IQSEC1: variants seen among roughly 807,000 people sequenced by gnomAD.
The protein encoded by IQSEC1 is IQ motif and SEC7 domain-containing protein 1.
A neutral mutation model predicts 91.0 loss-of-function variants in IQSEC1; 31 were observed. That is an observed-to-expected ratio of 0.34 (90% CI 0.26 to 0.46). The LOEUF is 0.46. IQSEC1 is among the 20% of genes least tolerant of loss of function. The pLI, the probability that IQSEC1 is intolerant of heterozygous loss-of-function variation, is 1.00. For missense variants in IQSEC1, 1,388 were observed against 1,575.6 expected (o/e 0.88, Z 2.02); for synonymous variants, 699 against 662.6 (o/e 1.05, Z -0.84).
chr3:13,236,668 C>T (rs1190240746), intron 1 of IQSEC1, among the ~76,000 whole-genome samples: 1 of 152,228 alleles, frequency 6.6e-6, no homozygotes, highest in Non-Finnish European at 1.5e-5. Flanking sequence ...TAGCAGCCAG[C>T]TGGGTCCACA....
intron 2 of IQSEC1, among the ~76,000 whole-genome samples, chr3:13,107,409 C>A (rs1303033249): frequency 6.6e-6 from 1 of 152,232 alleles, no homozygotes; most frequent in Non-Finnish European, 1.5e-5. Flanking sequence ...ATACAGCACG[C>A]AGTGTTAGAT....
At chr3:13,046,644 C>T (rs1003068410) in intron 1 of IQSEC1, among the ~76,000 whole-genome samples, 13 of 152,138 alleles carry the variant, frequency 8.5e-5, no homozygotes, top group African/African-American at 3.1e-4. Context: ...AAACCTCCCC[C>T]AACTCCCCTC....
chr3:13,229,925 G>T (rs1471839110), intron 1 of IQSEC1, among the ~76,000 whole-genome samples: 1 of 152,124 alleles, frequency 6.6e-6, no homozygotes, highest in African/African-American at 2.4e-5. Context: ...TATTTCATGG[G>T]GCTGCTTTGA....
chr3:13,073,600 G>A (rs553544601), upstream of IQSEC1, among the ~76,000 whole-genome samples: 3 of 152,248 alleles, frequency 2.0e-5, no homozygotes, highest in South Asian at 6.2e-4. Context: ...GGCGGGGCGC[G>A]GGGCGCCGGC....
chr3:12,971,138 C>T (rs760579651), intron 1 of IQSEC1, among the ~76,000 whole-genome samples: 6 of 152,190 alleles, frequency 3.9e-5, no homozygotes, highest in African/African-American at 4.8e-5. Flanking sequence ...AATATTAATG[C>T]GCACATGCAG....
intron 1 of IQSEC1, among the ~76,000 whole-genome samples, chr3:13,234,921 G>A (rs1694900851): frequency 6.6e-6 from 1 of 152,198 alleles, no homozygotes; most frequent in Non-Finnish European, 1.5e-5. Flanking sequence ...TGTGATTTGA[G>A]TTTGCCGGCA....
intron 1 of IQSEC1, among the ~76,000 whole-genome samples, chr3:12,982,994 C>A (rs891122273): frequency 6.6e-6 from 1 of 152,250 alleles, no homozygotes; most frequent in African/African-American, 2.4e-5. Flanking sequence ...TGGTAATCAA[C>A]CTTCAGCAAG....
At position 12,920,403 on chromosome 3, in the gene IQSEC1, G is replaced by T. The variant is rs750174444; in HGVS notation, c.2020+27C>A. 20 of 1,608,542 alleles carry T rather than the reference G, an allele frequency of 1.2e-5. No individual in the cohort carries two copies. In the South Asian group the frequency reaches 2.1e-4, roughly 17 times the overall value. Reference sequence around the variant, plus strand: ...GGGCAGGTGCTGGAGCAAATCTGTGGCTGGCCGACCGCCTGAGACAGCTCA... The same window carrying T: ...GGGCAGGTGCTGGAGCAAATCTGTGTCTGGCCGACCGCCTGAGACAGCTCA... On this transcript the variant is annotated intron_variant, in intron 6 of 13. Coordinates refer to ENST00000613206, the MANE Select transcript of IQSEC1 (RefSeq NM_001134382.3).
chr3:12,901,262 G>A lies in IQSEC1; in HGVS notation c.3066C>T (p.Ala1022=), dbSNP rs571426372. 3,356 of 1,540,788 alleles carry A rather than the reference G, an allele frequency of 2.2e-3. 11 individuals carry two copies. The highest frequency in any genetic ancestry group is 6.3e-3 in the South Asian group (527 of 83,996). Residue 1022 remains alanine (A), a synonymous_variant, in exon 14 of 14, where the codon GCC becomes GCT. Coordinates refer to ENST00000613206, the MANE Select transcript of IQSEC1 (RefSeq NM_001134382.3). ...HLGPPEGLPQ[A]AMHGHHTQYC... ...ACTGGGTGTGATGCCCGTGCATGGC[G>A]GCCTGCGGCAGCCCCTCTGGGGGCC...
At chr3:12,929,456 G>A (rs1697463758) in intron 3 of IQSEC1, among the ~76,000 whole-genome samples, 1 of 152,212 alleles carries the variant, frequency 6.6e-6, no homozygotes, top group Non-Finnish European at 1.5e-5. Flanking sequence ...CCTGGTGGAG[G>A]GAACAGCCAA....
At chr3:13,107,444 A>C (rs1706168659) in intron 2 of IQSEC1, among the ~76,000 whole-genome samples, 1 of 152,240 alleles carries the variant, frequency 6.6e-6, no homozygotes, top group South Asian at 2.1e-4. Flanking sequence ...TAATCTTTCC[A>C]GTACCAGTTC....
chr3:13,208,407 C>T (rs773375497), intron 1 of IQSEC1, among the ~76,000 whole-genome samples: 3 of 152,166 alleles, frequency 2.0e-5, no homozygotes, highest in Non-Finnish European at 4.4e-5. Flanking sequence ...TTGGCCACGT[C>T]TCCATGCCTC....
Position 13,211,599 on chromosome 3 carries a change from G to C in IQSEC1, c.273-47466C>G, listed in dbSNP as rs1423633656. On this transcript the variant is annotated intron_variant, in intron 1 of 15. Transcript: ENST00000648114. This position sits in a 1 kb window ranked among gnomAD's most constrained non-coding sequence, Gnocchi z 5.3. ...GGCCAGCAGGAGAGTCACCATCCTTGCCTCTCCATGGCCCCAAAAGAAAGT... is the reference window on the plus strand; with the variant it reads ...GGCCAGCAGGAGAGTCACCATCCTTCCCTCTCCATGGCCCCAAAAGAAAGT... Among the ~76,000 whole-genome samples the C allele has an allele frequency of 6.6e-6, 1 of 152,118 alleles. No homozygotes were observed. The highest frequency in any genetic ancestry group is 1.5e-5 in the Non-Finnish European group (1 of 68,032).
intron 2 of IQSEC1, among the ~76,000 whole-genome samples, chr3:13,122,316 G>A (rs1308053447): frequency 6.6e-6 from 1 of 152,270 alleles, no homozygotes; most frequent in Non-Finnish European, 1.5e-5. Context: ...AGGAAGAGTT[G>A]AGAAGTGGCA....
chr3:12,902,985 G>A (rs1694541019), intron 12 of IQSEC1, among the ~76,000 whole-genome samples, 163 bp from the exon 13 acceptor site: 1 of 151,820 alleles, frequency 6.6e-6, no homozygotes, highest in Non-Finnish European at 1.5e-5. Flanking sequence ...GGTCGGAGGA[G>A]GGGCTCAGTG....
chr3:13,037,735 C>T (rs11925501), intron 1 of IQSEC1, among the ~76,000 whole-genome samples: 27,383 of 151,980 alleles, frequency 0.18, 2,726 homozygotes, highest in South Asian at 0.36. Flanking sequence ...CTTGAGGCCA[C>T]TCTGCTAAGT....
At chr3:13,275,929 C>T (rs78205328) in intron 1 of IQSEC1, among the ~76,000 whole-genome samples, 41 of 152,320 alleles carry the variant, frequency 2.7e-4, no homozygotes, top group African/African-American at 7.9e-4. Flanking sequence ...ACTCCAAGGA[C>T]GGAGGGGCAT....
intron 12 of IQSEC1, among the ~76,000 whole-genome samples, chr3:12,903,687 G>A (rs1453835714): frequency 6.6e-6 from 1 of 152,196 alleles, no homozygotes; most frequent in Non-Finnish European, 1.5e-5. Flanking sequence ...CCCTCCTGAG[G>A]ACTTCTCCGT....
At chr3:12,973,170 T>C (rs1251940717) in intron 1 of IQSEC1, among the ~76,000 whole-genome samples, 1 of 152,186 alleles carries the variant, frequency 6.6e-6, no homozygotes, top group Non-Finnish European at 1.5e-5. Context: ...GACACTGAAC[T>C]GCTCAGGCAC....
Sources: gnomAD v4.1 joint callset for allele counts (sites outside exome capture counted in the v4.1 genomes callset) on GRCh38, gnomAD v4.1.1 for gene constraint, Gnocchi (gnomAD v3.1) non-coding constraint, MANE v1.5 for transcripts, NCBI Gene and HGNC (gene_info 2026-07-23, HGNC 2026-07-21) for gene names.